BCO2: variants seen among roughly 807,000 people sequenced by gnomAD.
BCO2 encodes carotenoid-cleaving dioxygenase, mitochondrial.
Under a neutral mutation model 65.8 loss-of-function variants are expected in BCO2, and 56 were observed. That is an observed-to-expected ratio of 0.85 (90% CI 0.69 to 1.06). The LOEUF (loss-of-function observed/expected upper bound fraction) is 1.06. Ranked by LOEUF, BCO2 falls within the 50% of genes least tolerant of loss-of-function variation. The pLI is 0.00. For synonymous variants in BCO2, 233 were observed against 242.3 expected (o/e 0.96, Z 0.36); for missense variants, 675 against 698.5 (o/e 0.97, Z 0.38).
In BCO2 at chr11:112,214,749, A is replaced by G; in HGVS notation, c.1333-13A>G. The G allele has an allele frequency of 6.2e-7, 1 of 1,607,592 alleles. No homozygotes were observed. Among genetic ancestry groups the G allele is most frequent in the Non-Finnish European group, 8.5e-7 (1 of 1,175,190 alleles). Reference sequence around the variant, plus strand: ...TAAGCAACCACTACAAATCCTTTTGAAATCTCTTTTAGATCTGGTGCTCTC... The same window carrying G: ...TAAGCAACCACTACAAATCCTTTTGGAATCTCTTTTAGATCTGGTGCTCTC... On this transcript the variant is annotated splice_polypyrimidine_tract_variant and intron_variant, in intron 9 of 11. Transcript: ENST00000357685.
chr11:112,213,972 C>G, intron 9 of BCO2, 111 bp downstream of exon 9: 1 of 924,466 alleles, frequency 1.1e-6, no homozygotes, highest in Non-Finnish European at 1.6e-6. Flanking sequence ...AACATTCATC[C>G]GAGCAGGTTA....
At chr11:112,205,912 A>G (rs1220233225) in intron 8 of BCO2, among the ~76,000 whole-genome samples, 2 of 152,030 alleles carry the variant, frequency 1.3e-5, no homozygotes, top group African/African-American at 4.8e-5. Flanking sequence ...ATTTTTGGAG[A>G]AATGACTGTT....
intron 2 of BCO2, among the ~76,000 whole-genome samples, chr11:112,188,898 A>G (rs1867287217): frequency 6.6e-6 from 1 of 152,216 alleles, no homozygotes; most frequent in Admixed American, 6.5e-5. Context: ...AAATGAATGC[A>G]TGGAATGACA....
At chr11:112,192,975 A>C (rs1269195855) in intron 2 of BCO2, among the ~76,000 whole-genome samples, 8 of 16,838 alleles carry the variant, frequency 4.8e-4, no homozygotes, top group African/African-American at 1.4e-3. Flanking sequence ...AATGTAAATT[A>C]TTCTTTTTTT....
At chr11:112,195,790 A>G (rs991237134) in intron 5 of BCO2, among the ~76,000 whole-genome samples, 1 of 152,182 alleles carries the variant, frequency 6.6e-6, no homozygotes, top group South Asian at 2.1e-4. Flanking sequence ...GTGATTTTCA[A>G]CCTTTAATTG....
chr11:112,199,548 A>T, intron 5 of BCO2, 151 bp from the exon 6 acceptor site: 1 of 643,506 alleles, frequency 1.6e-6, no homozygotes. Flanking sequence ...TAAGATCCAG[A>T]TCTTTGTTTG....
At chr11:112,194,599 G>T in intron 4 of BCO2, 54 bp from the exon 5 acceptor site, 1 of 992,700 alleles carries the variant, frequency 1.0e-6, no homozygotes, top group Admixed American at 1.9e-5. Flanking sequence ...TACTATTTAT[G>T]CATGTGAATA....
At chr11:112,188,757 C>CTT (rs5794781) in intron 2 of BCO2, among the ~76,000 whole-genome samples, 48,517 of 147,340 alleles carry the variant, frequency 0.33, 8,793 homozygotes, top group Non-Finnish European at 0.4. Context: ...GCATAAATAG[C>CTT]TTTTTTTTTT....
intron 10 of BCO2, 137 bp downstream of exon 10, chr11:112,215,081 T>C (rs1396000288): frequency 7.3e-6 from 6 of 826,788 alleles, no homozygotes; most frequent in Middle Eastern, 6.0e-4. Flanking sequence ...TTGAGAACTA[T>C]GAAATCATCT....
chr11:112,207,625 A>G (rs1859382859), intron 8 of BCO2, among the ~76,000 whole-genome samples: 1 of 152,226 alleles, frequency 6.6e-6, no homozygotes, highest in Non-Finnish European at 1.5e-5. Flanking sequence ...TGTCATGGCC[A>G]TCCCTGGCCC....
chr11:112,194,784 A>G (rs1867521278), intron 5 of BCO2, 29 bp downstream of exon 5: 1 of 1,437,604 alleles, frequency 7.0e-7, no homozygotes, highest in Non-Finnish European at 9.7e-7. Context: ...TCTTTTTAGA[A>G]ATAATTGAGA....
At chr11:112,178,559 T>G (rs1866945758) in intron 1 of BCO2, among the ~76,000 whole-genome samples, 1 of 152,256 alleles carries the variant, frequency 6.6e-6, no homozygotes, top group African/African-American at 2.4e-5. Context: ...CCCCTCTATG[T>G]TAGGCAGTAC....
chr11:112,198,129 T>A (rs1389829122), intron 5 of BCO2, among the ~76,000 whole-genome samples: 3 of 152,198 alleles, frequency 2.0e-5, no homozygotes, highest in Non-Finnish European at 4.4e-5. Flanking sequence ...TATTTTTACT[T>A]ATTATATGAT....
chr11:112,202,719 G>C (rs1867766547), intron 8 of BCO2, among the ~76,000 whole-genome samples: 1 of 152,094 alleles, frequency 6.6e-6, no homozygotes, highest in Admixed American at 6.5e-5. Context: ...TAATAAGTAA[G>C]AAACATGGCA....
Position 112,202,015 on chromosome 11 carries a change from C to G in BCO2, c.1027-8C>G. The G allele has an allele frequency of 1.3e-6, 2 of 1,545,118 alleles. No homozygotes were observed. Among genetic ancestry groups the G allele is most frequent in the Non-Finnish European group, 1.7e-6 (2 of 1,150,234 alleles). On this transcript the variant is annotated splice_region_variant and splice_polypyrimidine_tract_variant and intron_variant, in intron 7 of 11. Coordinates refer to ENST00000357685, the MANE Select transcript of BCO2 (RefSeq NM_031938.7). ...AATTTTTTTCATTGTTTGTGTTTTCCCCTGCAGCTCCTTCCAGGGAGATAC... is the reference window on the plus strand; with the variant it reads ...AATTTTTTTCATTGTTTGTGTTTTCGCCTGCAGCTCCTTCCAGGGAGATAC...
chr11:112,209,148 AG>A (rs1406024168), intron 8 of BCO2, among the ~76,000 whole-genome samples: 1 of 152,158 alleles, frequency 6.6e-6, no homozygotes, highest in Non-Finnish European at 1.5e-5. Context: ...TGTGTTGTAC[AG>A]TTCTACCGGT....
At chr11:112,183,239 T>C (rs1374304694) in intron 2 of BCO2, 1 of 760,740 alleles carries the variant, frequency 1.3e-6, no homozygotes, top group Admixed American at 1.9e-5. Flanking sequence ...AATATTTTCC[T>C]TATCACTTTT....
chr11:112,181,172 G>T (rs1867030117), intron 2 of BCO2: 6 of 867,204 alleles, frequency 6.9e-6, no homozygotes, highest in Non-Finnish European at 1.1e-5. Context: ...AGATGATAGA[G>T]GAGCTTTCTT....
At chr11:112,215,123 A>C in intron 10 of BCO2, 179 bp downstream of exon 10, 1 of 620,266 alleles carries the variant, frequency 1.6e-6, no homozygotes. Flanking sequence ...TAGGGAATCC[A>C]AATTGACCCC....
Sources: gnomAD v4.1 joint callset for allele counts (sites outside exome capture counted in the v4.1 genomes callset) on GRCh38, gnomAD v4.1.1 for gene constraint, MANE v1.5 for transcripts, NCBI Gene and HGNC (gene_info 2026-07-23, HGNC 2026-07-21) for gene names.